BSN: variants seen among roughly 807,000 people sequenced by gnomAD.
BSN encodes the protein bassoon presynaptic cytomatrix protein, also known as protein bassoon.
Under a neutral mutation model 264.8 loss-of-function variants are expected in BSN, and 57 were observed. That is an observed-to-expected ratio of 0.22 (90% CI 0.17 to 0.27). The LOEUF is 0.27. BSN is among the 10% of genes least tolerant of loss of function. The probability of loss-of-function intolerance (pLI) is 1.00; values close to 1 mark genes in which losing one functional copy is unlikely to be tolerated. For missense variants in BSN, 4,615 were observed against 5,232.5 expected (o/e 0.88, Z 3.64); for synonymous variants, 2,059 against 2,137.3 (o/e 0.96, Z 1.01).
intron 1 of BSN, among the ~76,000 whole-genome samples, chr3:49,570,275 C>T (rs1383313675): frequency 2.0e-5 from 3 of 152,296 alleles, no homozygotes; most frequent in African/African-American, 7.2e-5. Context: ...AGCTATGATG[C>T]AGGCTAAGCC....
At position 49,658,303 on chromosome 3, in the gene BSN, C is replaced by T. The variant is rs1338498657; in HGVS notation, c.8640+107C>T. ...GGGGTGGGAGTAGAGGCATCTCTGGCCCCAGAGGCCCAGGGGAAAGAGTCA... is the reference window on the plus strand; with the variant it reads ...GGGGTGGGAGTAGAGGCATCTCTGGTCCCAGAGGCCCAGGGGAAAGAGTCA... On this transcript the variant is annotated intron_variant, in intron 5 of 11. Transcript: ENST00000296452. The T allele has an allele frequency of 2.3e-6, 3 of 1,304,882 alleles. No homozygotes were observed. In the Admixed American group the frequency reaches 9.0e-5, roughly 39 times the overall value. 80.8% of individuals were successfully genotyped at this position (1,304,882 alleles called of 1,614,324 possible).
Position 49,625,200 on chromosome 3 carries a change from C to G in BSN, c.450C>G (p.Ser150Arg), listed in dbSNP as rs1311991830. 2.1e-5 allele frequency: 33 copies of G among 1,556,990 alleles called. No homozygotes were observed. The highest frequency in any genetic ancestry group is 2.7e-5 in the Non-Finnish European group (31 of 1,150,236). ...CCTCAGTGTCACCGGACAGAGGCAGCACCCCCACATCACCCTACTCCGTCC... is the reference window on the plus strand; with the variant it reads ...CCTCAGTGTCACCGGACAGAGGCAGGACCCCCACATCACCCTACTCCGTCC... ...RSPSVSPDRG[S>R]TPTSPYSVPQ... is the part of the protein sequence containing the mutation. The change falls in exon 2 of 12, where the codon AGC (serine) becomes AGG (arginine). Residue 150 changes from serine to arginine, a missense_variant. Ser to Arg is a moderately radical substitution (Grantham distance 110). Transcript: ENST00000296452. This position sits in a 1 kb window ranked among gnomAD's most constrained non-coding sequence, Gnocchi z 4.4.
Position 49,652,844 on chromosome 3 carries a change from C to A in BSN, c.3288C>A (p.Asn1096Lys). 1 of 1,599,820 alleles carries A rather than the reference C, an allele frequency of 6.3e-7. No homozygotes were observed. The highest frequency in any genetic ancestry group is 8.5e-7 in the Non-Finnish European group (1 of 1,172,222). Residue 1096 changes from asparagine (N) to lysine (K), a missense_variant, in exon 5 of 12, where the codon AAC (asparagine) becomes AAA (lysine). By Grantham distance (94) the Asn-to-Lys change is moderately conservative. This residue lies in a region of BSN where 3,415 missense variants were observed against 3,866.4 expected (regional missense o/e 0.88). Transcript: ENST00000296452. ...AGCGCTCCAAGACACCACCCAGTAA[C>A]TTGTCACCCATCGAGGATGCCTCCC... ...RRERSKTPPS[N>K]LSPIEDASPT...
intron 1 of BSN, among the ~76,000 whole-genome samples, chr3:49,613,666 C>CT (rs71627401): frequency 0.52 from 74,402 of 142,952 alleles, 20,067 homozygotes; most frequent in East Asian, 0.94. Context: ...GGCTAATTTT[C>CT]TTTTTTTTTT....
intron 2 of BSN, among the ~76,000 whole-genome samples, chr3:49,635,465 C>A (rs1217040986): frequency 6.6e-6 from 1 of 152,102 alleles, no homozygotes; most frequent in Non-Finnish European, 1.5e-5. Flanking sequence ...AACAGAACAA[C>A]CAGGTTGACA....
In BSN at chr3:49,655,592, G is replaced by A. The variant is rs372754920; in HGVS notation, c.6036G>A (p.Ser2012=). The part of the protein sequence containing the change: ...GQLFQGPGRD[S]AMDLSSLKHS... ...TCTTCCAGGGTCCTGGACGAGACTCGGCTATGGACCTCAGCTCACTGAAGC... is the reference window on the plus strand; with the variant it reads ...TCTTCCAGGGTCCTGGACGAGACTCAGCTATGGACCTCAGCTCACTGAAGC... The change falls in exon 5 of 12, where the codon TCG becomes TCA. Residue 2012 remains serine, a synonymous_variant. Transcript: ENST00000296452. The A allele has an allele frequency of 1.2e-5, 20 of 1,613,522 alleles. No individual in the cohort carries two copies. The highest frequency in any genetic ancestry group is 2.7e-5 in the African/African-American group (2 of 74,938).
At chr3:49,639,430 C>T (rs948729684) in intron 2 of BSN, among the ~76,000 whole-genome samples, 1 of 152,106 alleles carries the variant, frequency 6.6e-6, no homozygotes, top group Non-Finnish European at 1.5e-5. Flanking sequence ...GATCTCCTGA[C>T]CTCATGATCC....
rs1287818162 is a variant in BSN, at chr3:49,652,446, A to G, written c.2890A>G (p.Met964Val). Reference protein sequence around the residue: ...PSLDREPELEMESLTGSPEDR... With the variant: ...PSLDREPELEVESLTGSPEDR... The stretch of plus-strand genomic sequence containing the variant: ...TCTGGACCGGGAGCCTGAGCTGGAG[A>G]TGGAGAGCCTAACGGGCTCCCCTGA... Residue 964 changes from methionine to valine, a missense_variant, in exon 5 of 12, where the codon ATG becomes GTG. Met to Val is a conservative substitution (Grantham distance 21). This residue lies in a region of BSN where 1,197 missense variants were observed against 1,348.0 expected (regional missense o/e 0.89). Coordinates refer to ENST00000296452, the MANE Select transcript of BSN (RefSeq NM_003458.4). The G allele has an allele frequency of 6.2e-7, 1 of 1,613,436 alleles. No individual in the cohort carries two copies. The highest frequency in any genetic ancestry group is 8.5e-7 in the Non-Finnish European group (1 of 1,179,770).
downstream of BSN, among the ~76,000 whole-genome samples, chr3:49,672,771 G>A (rs1348231273): frequency 2.0e-5 from 3 of 149,086 alleles, no homozygotes; most frequent in Non-Finnish European, 3.0e-5. Context: ...GTGAGCCACC[G>A]CGCCTGGCAC....
Position 49,651,908 on chromosome 3 carries a change from C to G in BSN, c.2352C>G (p.Asp784Glu), listed in dbSNP as rs147936824. The change falls in exon 5 of 12, where the codon GAC becomes GAG. Residue 784 changes from aspartate (D) to glutamate (E), a missense_variant. By Grantham distance (45) the Asp-to-Glu change is conservative. This residue lies in a region of BSN where 1,197 missense variants were observed against 1,348.0 expected (regional missense o/e 0.89). Transcript: ENST00000296452. This position sits in a 1 kb window ranked among gnomAD's most constrained non-coding sequence, Gnocchi z 5.4. ...AGCTGGAGGATATCCTGGAGGAAGACGAAGACTCTGCTGAGTGGAGGCGCC... is the reference window on the plus strand; with the variant it reads ...AGCTGGAGGATATCCTGGAGGAAGAGGAAGACTCTGCTGAGTGGAGGCGCC... ...DEELEDILEE[D>E]EDSAEWRRRR... The G allele has an allele frequency of 5.4e-5, 87 of 1,613,760 alleles. No homozygotes were observed. The highest frequency in any genetic ancestry group is 1.6e-4 in the Middle Eastern group (1 of 6,084).
At chr3:49,582,521 T>G (rs2051902034) in intron 1 of BSN, among the ~76,000 whole-genome samples, 2 of 152,240 alleles carry the variant, frequency 1.3e-5, no homozygotes, top group Admixed American at 1.3e-4. Context: ...AGTTGTTTAT[T>G]AGTTCTAACT....
In BSN at chr3:49,554,585, C is replaced by A; in HGVS notation, c.-18C>A. 1 of 966,112 alleles carries A rather than the reference C, an allele frequency of 1.0e-6. No homozygotes were observed. The highest frequency in any genetic ancestry group is 1.2e-6 in the Non-Finnish European group (1 of 812,766). 59.8% of individuals were successfully genotyped at this position (966,112 alleles called of 1,614,324 possible). On this transcript the variant is annotated 5_prime_UTR_variant, in exon 1 of 12. Coordinates refer to ENST00000296452, the MANE Select transcript of BSN (RefSeq NM_003458.4). ...CGGGCGCAGCGCGACCCCGACCCCG[C>A]CCGCCCGCCTGCCCGCCATGGGCAA...
rs756848889 is a variant in BSN at position 49,663,881 on chromosome 3, C to A, written c.11603C>A (p.Pro3868His). 1 of 1,613,838 alleles carries A rather than the reference C, an allele frequency of 6.2e-7. No individual in the cohort carries two copies. The highest frequency in any genetic ancestry group is 8.5e-7 in the Non-Finnish European group (1 of 1,179,914). ...GCCCAGCCAGCACCAGGACCTGGAC[C>A]TGCAGGTGAGCCTATCCTTTGACAC... ...PQAQPAPGPG[P>H]AGVKAGARPG... The change falls in exon 8 of 12, where the codon CCT (proline) becomes CAT (histidine). Residue 3868 changes from proline (P) to histidine (H), a missense_variant. Pro to His is a moderately conservative substitution (Grantham distance 77, BLOSUM62 -2). Around this residue, in one of 3 missense-constraint regions of BSN, gnomAD observed 3,415 missense variants for 3,866.4 expected, o/e 0.88. Coordinates refer to ENST00000296452, the MANE Select transcript of BSN (RefSeq NM_003458.4).
At chr3:49,641,241 A>G (rs1180540381) in intron 2 of BSN, among the ~76,000 whole-genome samples, 1 of 152,064 alleles carries the variant, frequency 6.6e-6, no homozygotes, top group Non-Finnish European at 1.5e-5. Context: ...CATCAGATCT[A>G]CTCCTTTCTC....
Position 49,657,522 on chromosome 3 carries a change from G to A in BSN, c.7966G>A (p.Ala2656Thr), listed in dbSNP as rs781352351. The change falls in exon 5 of 12, where the codon GCC (alanine) becomes ACC (threonine). Residue 2656 changes from alanine (A) to threonine (T), a missense_variant. Around this residue, in one of 3 missense-constraint regions of BSN, gnomAD observed 3,415 missense variants for 3,866.4 expected, o/e 0.88. Transcript: ENST00000296452. Reference sequence around the variant, plus strand: ...CACTGCCTCATCATCCAGTGCTGCTGCCACTGTGAGGGCCATGAGCAGCGT... The same window carrying A: ...CACTGCCTCATCATCCAGTGCTGCTACCACTGTGAGGGCCATGAGCAGCGT... ...DATASSSSAA[A>T]TVRAMSSVGI... The A allele has an allele frequency of 1.2e-5, 19 of 1,613,138 alleles. No homozygotes were observed. Among genetic ancestry groups the A allele is most frequent in the Non-Finnish European group, 1.5e-5 (18 of 1,180,028 alleles).
At chr3:49,581,154 G>C (rs931802213) in intron 1 of BSN, among the ~76,000 whole-genome samples, 6 of 151,940 alleles carry the variant, frequency 3.9e-5, no homozygotes, top group African/African-American at 1.2e-4. Flanking sequence ...GCTAATTTTT[G>C]TATTTTTAGT....
rs2052697189 is a variant in BSN at position 49,664,571 on chromosome 3, A to G, written c.11740+17A>G. On this transcript the variant is annotated intron_variant, in intron 9 of 11. Coordinates refer to ENST00000296452, the MANE Select transcript of BSN (RefSeq NM_003458.4). ...TGACGGAAGGTATGCACTGCCTGCA[A>G]CTGGTCTGTGGTGGGTGGCTACTCT... 1.3e-6 allele frequency: 2 copies of G among 1,583,754 alleles called. No homozygotes were observed. Among genetic ancestry groups the G allele is most frequent in the East Asian group, 2.2e-5 (1 of 44,638 alleles).
In BSN at chr3:49,585,420, T is replaced by C. The variant is rs2051927300; in HGVS notation, c.224+30594T>C. 2.6e-5 allele frequency among the ~76,000 whole-genome samples: 4 copies of C among 152,174 alleles called. No individual in the cohort carries two copies. Among genetic ancestry groups the C allele is most frequent in the Non-Finnish European group, 5.9e-5 (4 of 68,012 alleles). ...CTTCTTCCTCTGGTGAGGCCGGCGCTCCCTTCCCAGGCCGCAGCGGACAGA... is the reference window on the plus strand; with the variant it reads ...CTTCTTCCTCTGGTGAGGCCGGCGCCCCCTTCCCAGGCCGCAGCGGACAGA... On this transcript the variant is annotated intron_variant, in intron 1 of 11. Coordinates refer to ENST00000296452, the MANE Select transcript of BSN (RefSeq NM_003458.4). This position sits in a 1 kb window ranked among gnomAD's most constrained non-coding sequence, Gnocchi z 4.7.
At position 49,554,779 on chromosome 3, in the gene BSN, G is replaced by A. The variant is rs1020366696; in HGVS notation, c.177G>A (p.Pro59=). The part of the protein sequence containing the change: ...AGAARSTAVP[P]VPGPGPGPGP... ...CAGCGCGGTCGACCGCGGTACCACC[G>A]GTCCCTGGCCCCGGCCCCGGCCCCG... Residue 59 remains proline (P), a synonymous_variant, in exon 1 of 12, where the codon CCG becomes CCA. Coordinates refer to ENST00000296452, the MANE Select transcript of BSN (RefSeq NM_003458.4). The A allele has an allele frequency of 8.2e-6, 10 of 1,217,316 alleles. No individual in the cohort carries two copies. Among genetic ancestry groups the A allele is most frequent in the Non-Finnish European group, 1.0e-5 (10 of 979,046 alleles). The allele number at this position is 1,217,316 out of a possible 1,614,324, so 75.4% of individuals were successfully genotyped here.
Sources: allele counts gnomAD v4.1 joint callset (sites outside exome capture counted in the v4.1 genomes callset), GRCh38; gene constraint gnomAD v4.1.1; regional missense constraint gnomAD v4.1.1; non-coding constraint Gnocchi (gnomAD v3.1); transcripts MANE v1.5; gene names NCBI Gene and HGNC (gene_info 2026-07-23, HGNC 2026-07-21).